Variants in ZC3HAV1L observed in about 807,000 individuals in gnomAD.
The protein encoded by ZC3HAV1L is zinc finger CCCH-type antiviral protein 1-like.
ZC3HAV1L carries 23 observed loss-of-function variants against 28.2 expected under a neutral mutation model. That is an observed-to-expected ratio of 0.82 (90% CI 0.59 to 1.16). The LOEUF (loss-of-function observed/expected upper bound fraction) is 1.16, where lower values mean the gene tolerates loss of function less well. Among genes scored for constraint, ZC3HAV1L ranks in the 50% most tolerant of loss-of-function variants. The pLI is 0.00. For synonymous variants in ZC3HAV1L, 180 were observed against 163.4 expected, an observed-to-expected ratio of 1.10 and a Z score of -0.78; for missense variants, 376 against 387.7, an observed-to-expected ratio of 0.97 and a Z score of 0.25.
chr7:139,035,757 A>T lies in ZC3HAV1L; in HGVS notation c.261T>A (p.Ser87=). 6.7e-7 allele frequency: 1 copy of T among 1,497,080 alleles called. No individual in the cohort carries two copies. The highest frequency in any genetic ancestry group is 8.8e-7 in the Non-Finnish European group (1 of 1,131,796). The allele number at this position is 1,497,080 out of a possible 1,614,324, so 92.7% of individuals were successfully genotyped here. ...GCTGGTAGCGGGCGCAGAGGCGCAC[A>T]GAGGACACGGCCACCACCCTCCAGG... ...TSAWRVVAVS[S]VRLCARYQRG... is the part of the protein sequence containing the mutation. Residue 87 remains serine, a synonymous_variant, in exon 1 of 5, where the codon TCT becomes TCA. Transcript: ENST00000275766.
Position 139,026,831 on chromosome 7 carries a change from T to C in ZC3HAV1L, c.763A>G (p.Asn255Asp). 6.2e-7 allele frequency: 1 copy of C among 1,610,170 alleles called. No individual in the cohort carries two copies. The change falls in exon 4 of 5, where the codon AAT becomes GAT. Residue 255 changes from asparagine to aspartate, a missense_variant and splice_region_variant. Physicochemically the swap from Asn to Asp is conservative, Grantham distance 23. Transcript: ENST00000275766. ...GAATGCTCAGTCGAAGGTGATGAAT[T>C]ATCTACAAAGAGGAAAGGGATAAGT... is the stretch of plus-strand genomic sequence containing the variant. Reference protein sequence around the residue: ...KLHKMLENTDNSSPSTEHSQG... With the variant: ...KLHKMLENTDDSSPSTEHSQG...
downstream of ZC3HAV1L, among the ~76,000 whole-genome samples, chr7:139,024,879 C>G (rs950776531): frequency 6.6e-6 from 1 of 152,106 alleles, no homozygotes; most frequent in African/African-American, 2.4e-5. Flanking sequence ...CTACAATAAA[C>G]AGAACAAAAA....
In ZC3HAV1L at chr7:139,026,980, A is replaced by G. The variant is rs554661637; in HGVS notation, c.761-147T>C. 2.7e-4 allele frequency: 248 copies of G among 909,770 alleles called. 8 individuals carry two copies. In the South Asian group the frequency reaches 4.5e-3, roughly 17 times the overall value. 56.4% of individuals were successfully genotyped at this position (909,770 alleles called of 1,614,324 possible). ...TGTCTTCTGGATTTTAAAAAATTGT[A>G]TGTGTGTGTGTATAAAAAATAGAGA... On this transcript the variant is annotated intron_variant, in intron 3 of 4. Transcript: ENST00000275766.
chr7:139,029,411 G>C (rs1006071689), intron 2 of ZC3HAV1L, among the ~76,000 whole-genome samples: 5 of 152,120 alleles, frequency 3.3e-5, no homozygotes, highest in African/African-American at 7.2e-5. Flanking sequence ...AAATCTTTGG[G>C]GGAAAGCCTG....
intron 2 of ZC3HAV1L, among the ~76,000 whole-genome samples, chr7:139,033,119 G>T (rs1308193481): frequency 6.6e-6 from 1 of 151,754 alleles, no homozygotes; most frequent in South Asian, 2.1e-4. Context: ...TGAGGTGGGA[G>T]AATCACTTGA....
At chr7:139,027,632 G>A (rs945747292) in intron 3 of ZC3HAV1L, among the ~76,000 whole-genome samples, 6 of 152,174 alleles carry the variant, frequency 3.9e-5, no homozygotes, top group African/African-American at 1.4e-4. Flanking sequence ...AGTCATGACT[G>A]TGCCACTGTA....
At chr7:139,026,954 A>G in intron 3 of ZC3HAV1L, 121 bp from the exon 4 acceptor site, 1 of 1,154,328 alleles carries the variant, frequency 8.7e-7, no homozygotes, top group South Asian at 1.7e-5. Flanking sequence ...TGGAGAGTTC[A>G]TGTCTTCTGG....
chr7:139,026,776 G>A lies in ZC3HAV1L; in HGVS notation c.818C>T (p.Ala273Val). Residue 273 changes from alanine to valine, a missense_variant, in exon 4 of 5, where the codon GCA (alanine) becomes GTA (valine). Ala to Val is a moderately conservative substitution (Grantham distance 64, BLOSUM62 0). Transcript: ENST00000275766. The part of the protein sequence containing the change: ...SQGLEKQGVH[A>V]AGAAEAGPLA... Reference sequence around the variant, plus strand: ...AGGACCAGCTTCTGCAGCTCCAGCTGCGTGCACTCCTTGCTTCTCAAGGCC... The same window carrying A: ...AGGACCAGCTTCTGCAGCTCCAGCTACGTGCACTCCTTGCTTCTCAAGGCC... The A allele has an allele frequency of 6.2e-7, 1 of 1,614,200 alleles. No homozygotes were observed. Among genetic ancestry groups the A allele is most frequent in the Non-Finnish European group, 8.5e-7 (1 of 1,180,038 alleles).
chr7:139,035,946 C>G lies in ZC3HAV1L; in HGVS notation c.72G>C (p.Lys24Asn). Residue 24 changes from lysine to asparagine, a missense_variant, in exon 1 of 5, where the codon AAG becomes AAC. By Grantham distance (94) the Lys-to-Asn change is moderately conservative (BLOSUM62 0). Transcript: ENST00000275766. The stretch of plus-strand genomic sequence containing the variant: ...ACAGCTCCACGTGGCCGCGCAGGTC[C>G]TTCAGGAACATGCGGCCGCCGTGGG... Reference protein sequence around the residue: ...LCAHGGRMFLKDLRGHVELSE... With the variant: ...LCAHGGRMFLNDLRGHVELSE... 1 of 1,518,682 alleles carries G rather than the reference C, an allele frequency of 6.6e-7. No homozygotes were observed. The highest frequency in any genetic ancestry group is 8.8e-7 in the Non-Finnish European group (1 of 1,141,180). The allele number at this position is 1,518,682 out of a possible 1,614,324, so 94.1% of individuals were successfully genotyped here. A position where few individuals can be genotyped will look rare whatever the true frequency, so the allele number is the denominator to read the frequency against.
intron 2 of ZC3HAV1L, among the ~76,000 whole-genome samples, chr7:139,033,442 A>G (rs1338456663): frequency 2.0e-5 from 3 of 152,166 alleles, no homozygotes; most frequent in African/African-American, 7.2e-5. Flanking sequence ...ATCATCAGGC[A>G]TTTCATACAA....
rs753487086 is a variant in ZC3HAV1L at position 139,036,014 on chromosome 7, C to T, written c.4G>A (p.Ala2Thr). 8.0e-6 allele frequency: 12 copies of T among 1,506,058 alleles called. No homozygotes were observed. In the South Asian group the frequency reaches 9.9e-5, roughly 12 times the overall value. The allele number at this position is 1,506,058 out of a possible 1,614,324, so 93.3% of individuals were successfully genotyped here. A position where few individuals can be genotyped will look rare whatever the true frequency, so the allele number is the denominator to read the frequency against. ...AGGAAGGAGCACACTGTGGGCTCCG[C>T]CATGGTCGCTGGCGCGGGCCCTGTG... The part of the protein sequence containing the change: M[A>T]EPTVCSFLTK... Residue 2 changes from alanine (A) to threonine (T), a missense_variant, in exon 1 of 5, where the codon GCG (alanine) becomes ACG (threonine). Ala to Thr is a moderately conservative substitution (Grantham distance 58, BLOSUM62 0). Transcript: ENST00000275766.
chr7:139,028,602 C>T (rs1815426599), intron 3 of ZC3HAV1L, 100 bp downstream of exon 3: 1 of 1,451,450 alleles, frequency 6.9e-7, no homozygotes, highest in Non-Finnish European at 9.3e-7. Context: ...AACTGCTTTG[C>T]CCCCAGACTC....
intron 2 of ZC3HAV1L, 131 bp from the exon 3 acceptor site, chr7:139,029,091 C>G: frequency 9.3e-7 from 1 of 1,077,796 alleles, no homozygotes; most frequent in Non-Finnish European, 1.3e-6. Context: ...CAACCTCCAT[C>G]TCCCGCGTTC....
At chr7:139,030,342 G>A (rs944709524) in intron 2 of ZC3HAV1L, among the ~76,000 whole-genome samples, 6 of 152,216 alleles carry the variant, frequency 3.9e-5, no homozygotes, top group Non-Finnish European at 8.8e-5. Flanking sequence ...CTACTGGGGA[G>A]GCTGAGGCAG....
chr7:139,024,518 A>C (rs577378330), downstream of ZC3HAV1L, among the ~76,000 whole-genome samples: 1 of 152,284 alleles, frequency 6.6e-6, no homozygotes, highest in East Asian at 1.9e-4. Context: ...AAATGTAAAA[A>C]TTTTTTTAAT....
At chr7:139,030,316 A>G (rs1169303673) in intron 2 of ZC3HAV1L, among the ~76,000 whole-genome samples, 1 of 152,112 alleles carries the variant, frequency 6.6e-6, no homozygotes, top group Non-Finnish European at 1.5e-5. Context: ...ATGATGGCAC[A>G]CGCCTGTAAT....
chr7:139,026,377 C>A lies in ZC3HAV1L; in HGVS notation c.*167G>T. The A allele has an allele frequency of 1.9e-6, 2 of 1,068,062 alleles. No homozygotes were observed. Among genetic ancestry groups the A allele is most frequent in the East Asian group, 2.6e-5 (1 of 37,982 alleles). 66.2% of individuals were successfully genotyped at this position (1,068,062 alleles called of 1,614,324 possible). ...CCATCTACCCAGCCTGAGGAAAGCA[C>A]CTAGGAGCTGCAGATAGCAGCTGCC... is the stretch of plus-strand genomic sequence containing the variant. On this transcript the variant is annotated 3_prime_UTR_variant, in exon 5 of 5. Transcript: ENST00000275766.
At chr7:139,029,903 G>A (rs530566363) in intron 2 of ZC3HAV1L, among the ~76,000 whole-genome samples, 1 of 152,234 alleles carries the variant, frequency 6.6e-6, no homozygotes, top group East Asian at 1.9e-4. Context: ...GTCTATCCCA[G>A]ACACACCAAG....
intron 3 of ZC3HAV1L, 142 bp from the exon 4 acceptor site, chr7:139,026,975 A>C: frequency 2.1e-6 from 2 of 951,888 alleles, no homozygotes; most frequent in Middle Eastern, 2.3e-4. Flanking sequence ...ATTTTAAAAA[A>C]TTGTATGTGT....
Sources: allele counts gnomAD v4.1 joint callset (sites outside exome capture counted in the v4.1 genomes callset), GRCh38; gene constraint gnomAD v4.1.1; transcripts MANE v1.5; gene names NCBI Gene and HGNC (gene_info 2026-07-23, HGNC 2026-07-21).